Variants in BRAP observed in about 807,000 individuals in gnomAD.
BRAP encodes the protein BRCA1-associated protein.
BRAP carries 42 observed loss-of-function variants against 73.4 expected under a neutral mutation model. That is an observed-to-expected ratio of 0.57 (90% CI 0.45 to 0.74). BRAP has a LOEUF of 0.74. BRAP is among the 30% of genes least tolerant of loss of function. The probability of loss-of-function intolerance (pLI) is 0.00; values close to 1 mark genes in which losing one functional copy is unlikely to be tolerated. For missense variants in BRAP, 593 were observed against 751.4 expected, an observed-to-expected ratio of 0.79 and a Z score of 2.46; for synonymous variants, 255 against 267.4, an observed-to-expected ratio of 0.95 and a Z score of 0.45.
intron 11 of BRAP, among the ~76,000 whole-genome samples, chr12:111,648,023 AAC>A (rs1284946049): frequency 6.6e-6 from 1 of 152,004 alleles, no homozygotes; most frequent in East Asian, 1.9e-4. Context: ...GAGCTGGCCG[AAC>A]ACAGTGGCTC....
Position 111,658,820 on chromosome 12 carries a change from T to G in BRAP, c.1137A>C (p.Ala379=). 6.2e-7 allele frequency: 1 copy of G among 1,611,954 alleles called. No individual in the cohort carries two copies. The highest frequency in any genetic ancestry group is 1.7e-5 in the Admixed American group (1 of 59,948). Residue 379 remains alanine, a synonymous_variant, in exon 9 of 12, where the codon GCA becomes GCC. Transcript: ENST00000419234. ...GTACTATTTTTCCATCTGTTTTACT[T>G]GCAACCAGTCGATGAACATAGTTAT... ...AGDNYVHRLV[A]SKTDGKIVQY... is the part of the protein sequence containing the mutation.
intron 11 of BRAP, among the ~76,000 whole-genome samples, chr12:111,648,963 T>C (rs2135894135): frequency 6.6e-6 from 1 of 152,080 alleles, no homozygotes; most frequent in Admixed American, 6.6e-5. Context: ...GTTGTGCCAC[T>C]GTACTCCAGC....
intron 1 of BRAP, among the ~76,000 whole-genome samples, chr12:111,684,529 C>T (rs1321859969): frequency 6.6e-6 from 1 of 152,190 alleles, no homozygotes; most frequent in Non-Finnish European, 1.5e-5. Context: ...ACAGCACTTA[C>T]CACAGTTGTA....
chr12:111,646,396 A>G (rs1886113639), intron 11 of BRAP, among the ~76,000 whole-genome samples: 1 of 152,248 alleles, frequency 6.6e-6, no homozygotes, highest in African/African-American at 2.4e-5. Flanking sequence ...GAGCTGAGAC[A>G]TGAGAAAAGA....
Position 111,667,698 on chromosome 12 carries a change from C to CAAAAAAAAAAAAAAAAAA in BRAP, c.748-1929_748-1912dup, listed in dbSNP as rs565349424. ...TGGGAGACAGAGTGAAACTCCGTCT[C>CAAAAAAAAAAAAAAAAAA]AAAAAAAAAAAAAAAAAAAAAAAGC... is the stretch of plus-strand genomic sequence containing the variant. On this transcript the variant is annotated intron_variant, in intron 5 of 11. Transcript: ENST00000419234. Among the ~76,000 whole-genome samples the CAAAAAAAAAAAAAAAAAA allele has an allele frequency of 6.9e-3, 147 of 21,276 alleles. 25 individuals are homozygous for CAAAAAAAAAAAAAAAAAA. Among genetic ancestry groups the CAAAAAAAAAAAAAAAAAA allele is most frequent in the East Asian group, 0.016 (3 of 192 alleles). The allele number at this position is 21,276 out of a possible 152,430, so 14.0% of individuals were successfully genotyped here.
At chr12:111,646,540 C>G (rs776652009) in intron 11 of BRAP, among the ~76,000 whole-genome samples, 1 of 151,934 alleles carries the variant, frequency 6.6e-6, no homozygotes, top group African/African-American at 2.4e-5. Context: ...TTTGGGAGGC[C>G]GAGGAGGGTG....
At chr12:111,672,211 A>G (rs1455844236) in intron 5 of BRAP, among the ~76,000 whole-genome samples, 1 of 152,206 alleles carries the variant, frequency 6.6e-6, no homozygotes, top group African/African-American at 2.4e-5. Context: ...TCTCAAAAAT[A>G]AAAGGCAGAA....
At chr12:111,675,158 G>A (rs1016903785) in intron 4 of BRAP, among the ~76,000 whole-genome samples, 2 of 152,036 alleles carry the variant, frequency 1.3e-5, no homozygotes, top group Non-Finnish European at 2.9e-5. Context: ...CTATTTGGGA[G>A]GCTGAGGTGG....
chr12:111,659,077 A>C (rs1370739136), intron 8 of BRAP, 130 bp downstream of exon 8: 1 of 1,167,520 alleles, frequency 8.6e-7, no homozygotes, highest in Non-Finnish European at 1.2e-6. Flanking sequence ...GCCCTCAGGG[A>C]AACTGAGAAT....
chr12:111,677,954 C>T (rs962355192), intron 4 of BRAP, among the ~76,000 whole-genome samples: 1 of 152,150 alleles, frequency 6.6e-6, no homozygotes, highest in Non-Finnish European at 1.5e-5. Context: ...ACTCTTCCCC[C>T]ACTAAAAAGA....
intron 10 of BRAP, among the ~76,000 whole-genome samples, chr12:111,654,977 C>T (rs527912242): frequency 2.3e-3 from 350 of 152,282 alleles, no homozygotes; most frequent in Non-Finnish European, 3.6e-3. Context: ...TCACAGGGTT[C>T]CTTGCACATA....
intron 10 of BRAP, among the ~76,000 whole-genome samples, chr12:111,650,657 T>A (rs1486524904): frequency 6.6e-6 from 1 of 152,226 alleles, no homozygotes; most frequent in Non-Finnish European, 1.5e-5. Context: ...CCTCCCAAAG[T>A]GCTGGGATTA....
intron 11 of BRAP, among the ~76,000 whole-genome samples, chr12:111,647,660 C>G (rs987820449): frequency 6.6e-6 from 1 of 152,166 alleles, no homozygotes; most frequent in African/African-American, 2.4e-5. Flanking sequence ...AAAACCAGCA[C>G]TTTAGCAGGC....
In BRAP at chr12:111,655,558, A is replaced by G; in HGVS notation, c.1311+8T>C. 1 of 1,608,186 alleles carries G rather than the reference A, an allele frequency of 6.2e-7. No homozygotes were observed. The highest frequency in any genetic ancestry group is 8.5e-7 in the Non-Finnish European group (1 of 1,174,636). On this transcript the variant is annotated splice_region_variant and intron_variant, in intron 10 of 11. Coordinates refer to ENST00000419234, the MANE Select transcript of BRAP (RefSeq NM_006768.5). Reference sequence around the variant, plus strand: ...ATTTCCGCAGTCACCCAAACCAAACAGACTTACTTCCTCTGCTGTGTCCTT... The same window carrying G: ...ATTTCCGCAGTCACCCAAACCAAACGGACTTACTTCCTCTGCTGTGTCCTT...
At chr12:111,682,375 G>A (rs1048124518) in intron 2 of BRAP, among the ~76,000 whole-genome samples, 10 of 151,778 alleles carry the variant, frequency 6.6e-5, no homozygotes, top group African/African-American at 2.2e-4. Flanking sequence ...GCGTGCACCT[G>A]TAGTCCCAGC....
intron 7 of BRAP, 101 bp from the exon 8 acceptor site, chr12:111,659,446 G>A (rs982756773): frequency 8.7e-7 from 1 of 1,146,426 alleles, no homozygotes; most frequent in Middle Eastern, 3.0e-4. Flanking sequence ...CTGAGGTCAG[G>A]AGTTCGAGAC....
chr12:111,669,390 C>G (rs1230273878), intron 5 of BRAP, among the ~76,000 whole-genome samples: 1 of 152,064 alleles, frequency 6.6e-6, no homozygotes, highest in Non-Finnish European at 1.5e-5. Flanking sequence ...CCATGCCTGG[C>G]TAATTTTGTA....
intron 10 of BRAP, among the ~76,000 whole-genome samples, chr12:111,652,911 G>A (rs555336319): frequency 3.9e-5 from 6 of 152,240 alleles, no homozygotes; most frequent in South Asian, 2.1e-4. Context: ...GGATTTCACC[G>A]TGTTAGCCAG....
chr12:111,645,123 C>T (rs892733674), intron 11 of BRAP, among the ~76,000 whole-genome samples: 4 of 151,832 alleles, frequency 2.6e-5, no homozygotes, highest in African/African-American at 9.7e-5. Context: ...GGCTGGAATG[C>T]AGTGGCGTGA....
Sources: allele counts gnomAD v4.1 joint callset (sites outside exome capture counted in the v4.1 genomes callset), GRCh38; gene constraint gnomAD v4.1.1; transcripts MANE v1.5; gene names NCBI Gene and HGNC (gene_info 2026-07-23, HGNC 2026-07-21).